RSF1: variants seen among roughly 807,000 people sequenced by gnomAD.
RSF1 encodes HBV pX-associated protein 8.
In RSF1, 13 loss-of-function variants were observed where a neutral mutation model predicts 145.2. The ratio of observed to expected loss-of-function variants is 0.09; its 90% CI spans 0.06 to 0.14. The LOEUF (loss-of-function observed/expected upper bound fraction) is 0.14, where lower values mean the gene tolerates loss of function less well. Among genes scored for constraint, RSF1 ranks in the 10% least tolerant of loss-of-function variants. The pLI, the probability that RSF1 is intolerant of heterozygous loss-of-function variation, is 1.00. For synonymous variants in RSF1, 577 were observed against 592.6 expected, an observed-to-expected ratio of 0.97 and a Z score of 0.38; for missense variants, 1,517 against 1,718.2, an observed-to-expected ratio of 0.88 and a Z score of 2.07.
At chr11:77,764,457 C>T in intron 2 of RSF1, 141 bp downstream of exon 2, 1 of 590,160 alleles carries the variant, frequency 1.7e-6, no homozygotes, top group Non-Finnish European at 2.9e-6. Flanking sequence ...GAATCACATA[C>T]TTGCAGTCAT....
the RSF1 span, among the ~76,000 whole-genome samples, chr11:77,862,825 A>G: frequency 6.6e-6 from 1 of 152,148 alleles, no homozygotes; most frequent in African/African-American, 2.4e-5. Context: ...CTTGAAGAGG[A>G]TATCATGGCC....
At chr11:77,803,819 C>T (rs527520296) in intron 1 of RSF1, among the ~76,000 whole-genome samples, 1 of 152,022 alleles carries the variant, frequency 6.6e-6, no homozygotes, top group Non-Finnish European at 1.5e-5. Flanking sequence ...GTGGCTCACA[C>T]CTATAATCCT....
At chr11:77,868,095 G>A in the RSF1 span, among the ~76,000 whole-genome samples, 2 of 133,022 alleles carry the variant, frequency 1.5e-5, no homozygotes, top group Admixed American at 8.5e-5. Context: ...TCGTTCTATC[G>A]CCCAGGCTGG....
At chr11:77,735,878 T>C (rs929890568) in intron 4 of RSF1, among the ~76,000 whole-genome samples, 1 of 152,184 alleles carries the variant, frequency 6.6e-6, no homozygotes, top group Non-Finnish European at 1.5e-5. Context: ...TAGCTGGGAC[T>C]ACAGGCACAC....
At chr11:77,774,836 G>C (rs1001457296) in intron 1 of RSF1, among the ~76,000 whole-genome samples, 1 of 150,010 alleles carries the variant, frequency 6.7e-6, no homozygotes, top group Non-Finnish European at 1.5e-5. Flanking sequence ...GCATGATCTC[G>C]GCTTGCTGCA....
intron 5 of RSF1, among the ~76,000 whole-genome samples, chr11:77,708,054 A>G (rs2135862764): frequency 1.3e-5 from 2 of 152,302 alleles, no homozygotes; most frequent in Middle Eastern, 3.4e-3. Flanking sequence ...ATATCTTTTT[A>G]ACTAGATAAG....
At chr11:77,747,312 TTGATAAC>T (rs1374757916) in intron 2 of RSF1, among the ~76,000 whole-genome samples, 184 bp from the exon 3 acceptor site, 73 of 152,232 alleles carry the variant, frequency 4.8e-4, no homozygotes, top group African/African-American at 1.7e-3. Context: ...TTACTATTGT[TTGATAAC>T]TGAATTTAAG....
At chr11:77,721,434 G>A (rs921988121) in intron 5 of RSF1, among the ~76,000 whole-genome samples, 1 of 152,178 alleles carries the variant, frequency 6.6e-6, no homozygotes, top group Non-Finnish European at 1.5e-5. Flanking sequence ...AGGGTTTTTG[G>A]GGGCTGAAAT....
chr11:77,710,851 G>A (rs1327057129), intron 5 of RSF1, among the ~76,000 whole-genome samples: 1 of 152,054 alleles, frequency 6.6e-6, no homozygotes, highest in Non-Finnish European at 1.5e-5. Flanking sequence ...TATACAAAAG[G>A]AAGGATACGT....
chr11:77,832,941 G>GTA, the RSF1 span, among the ~76,000 whole-genome samples: 806 of 94,274 alleles, frequency 8.5e-3, 5 homozygotes, highest in Middle Eastern at 0.013. Flanking sequence ...GCACTTTATT[G>GTA]TATATATATA....
rs1487491623 is a variant in RSF1, at chr11:77,666,518, A to T, written c.*399T>A. ...ATTTAATATGAAAAAGCTAAAGCAC[A>T]AGTGCTTTCACCCACCCCTAAATTC... On this transcript the variant is annotated 3_prime_UTR_variant, in exon 16 of 16. Transcript: ENST00000308488. The T allele has an allele frequency of 6.5e-6, 1 of 154,178 alleles. No individual in the cohort carries two copies. Among genetic ancestry groups the T allele is most frequent in the African/African-American group, 2.4e-5 (1 of 41,502 alleles). 9.6% of individuals were successfully genotyped at this position (154,178 alleles called of 1,614,324 possible). A position where few individuals can be genotyped will look rare whatever the true frequency, so the allele number is the denominator to read the frequency against.
chr11:77,771,224 A>C (rs967681191), intron 1 of RSF1, among the ~76,000 whole-genome samples: 2 of 152,242 alleles, frequency 1.3e-5, no homozygotes, highest in Non-Finnish European at 2.9e-5. Context: ...AAATCTAGTG[A>C]AAAGTTCAAA....
At chr11:77,848,395 G>A in the RSF1 span, among the ~76,000 whole-genome samples, 6 of 151,556 alleles carry the variant, frequency 4.0e-5, no homozygotes, top group African/African-American at 1.5e-4. Flanking sequence ...GTCTTGCTCT[G>A]TCACCCAGGC....
At chr11:77,724,989 A>G (rs1414917547) in intron 5 of RSF1, among the ~76,000 whole-genome samples, 3 of 152,152 alleles carry the variant, frequency 2.0e-5, no homozygotes, top group Non-Finnish European at 2.9e-5. Context: ...GCCTGTCACA[A>G]AAGTGCAAGC....
chr11:77,668,410 T>C (rs1224924856), intron 15 of RSF1, among the ~76,000 whole-genome samples: 1 of 152,226 alleles, frequency 6.6e-6, no homozygotes, highest in Non-Finnish European at 1.5e-5. Context: ...TAGGTTATCA[T>C]GTCAACACGC....
At chr11:77,714,426 C>T (rs1960758506) in intron 5 of RSF1, among the ~76,000 whole-genome samples, 1 of 152,220 alleles carries the variant, frequency 6.6e-6, no homozygotes, top group South Asian at 2.1e-4. Flanking sequence ...CAAACCACAA[C>T]AAACTCAGAG....
chr11:77,771,421 G>C (rs1232133229), intron 1 of RSF1, among the ~76,000 whole-genome samples: 2 of 152,318 alleles, frequency 1.3e-5, no homozygotes, highest in East Asian at 1.9e-4. Flanking sequence ...ATGCATGTAT[G>C]AAAGTCCTGA....
At chr11:77,749,426 T>C (rs1473463530) in intron 2 of RSF1, among the ~76,000 whole-genome samples, 1 of 152,146 alleles carries the variant, frequency 6.6e-6, no homozygotes, top group Admixed American at 6.5e-5. Flanking sequence ...TAGAAGAAGA[T>C]AACGTTGGCT....
At position 77,765,255 on chromosome 11, in the gene RSF1, T is replaced by TA. The variant is rs530324031; in HGVS notation, c.188-567dup. 2.2e-4 allele frequency among the ~76,000 whole-genome samples: 33 copies of TA among 152,322 alleles called. No homozygotes were observed. The South Asian group carries it at 5.4e-3, about 25-fold the overall frequency. On this transcript the variant is annotated intron_variant, in intron 1 of 15. Transcript: ENST00000308488. ...TTTCAAAGACATACATTCATAGAAT[T>TA]AGAAAGGAACCAAGAAGTATGAATT...
Sources: gnomAD v4.1 joint callset for allele counts (sites outside exome capture counted in the v4.1 genomes callset) on GRCh38, gnomAD v4.1.1 for gene constraint, MANE v1.5 for transcripts, NCBI Gene and HGNC (gene_info 2026-07-23, HGNC 2026-07-21) for gene names.